Variants in CSMD1 observed in about 807,000 individuals in gnomAD.
The protein encoded by CSMD1 is CUB and sushi domain-containing protein 1.
Under a neutral mutation model 417.5 loss-of-function variants are expected in CSMD1, and 213 were observed. That is an observed-to-expected ratio of 0.51 (90% CI 0.46 to 0.57). The LOEUF (loss-of-function observed/expected upper bound fraction) is 0.57. Ranked by LOEUF, CSMD1 falls within the 20% of genes least tolerant of loss-of-function variation. The probability of loss-of-function intolerance (pLI) is 0.00; values close to 1 mark genes in which losing one functional copy is unlikely to be tolerated. For synonymous variants in CSMD1, 2,862 were observed against 1,736.8 expected (o/e 1.65, Z -16.11); for missense variants, 6,923 against 4,529.7 (o/e 1.53, Z -15.17).
intron 2 of CSMD1, among the ~76,000 whole-genome samples, chr8:4,430,695 C>T (rs369783656): frequency 9.9e-5 from 15 of 152,084 alleles, no homozygotes; most frequent in African/African-American, 2.9e-4. Flanking sequence ...AATAGACTAT[C>T]GGAAACAAAA....
At chr8:3,388,268 C>T (rs577213752) in intron 17 of CSMD1, among the ~76,000 whole-genome samples, 1 of 152,254 alleles carries the variant, frequency 6.6e-6, no homozygotes, top group Non-Finnish European at 1.5e-5. Context: ...CTACTATTAG[C>T]CTTTGCTAAC....
intron 1 of CSMD1, among the ~76,000 whole-genome samples, chr8:4,638,850 C>G (rs546396086): frequency 6.6e-6 from 1 of 152,188 alleles, no homozygotes; most frequent in Non-Finnish European, 1.5e-5. Flanking sequence ...GTCTGAGGAA[C>G]TGATTTCATT....
intron 5 of CSMD1, among the ~76,000 whole-genome samples, chr8:3,972,436 G>C (rs934362657): frequency 6.6e-6 from 1 of 152,098 alleles, no homozygotes; most frequent in Admixed American, 6.5e-5. Context: ...TGTAACTTTA[G>C]GTCTTTGTAA....
chr8:4,394,050 C>G (rs1334794905), intron 3 of CSMD1, among the ~76,000 whole-genome samples: 1 of 152,152 alleles, frequency 6.6e-6, no homozygotes, highest in African/African-American at 2.4e-5. Context: ...AGGGCTAATA[C>G]TTCTCAGTTA....
chr8:3,287,272 C>G (rs1384847344), intron 25 of CSMD1, among the ~76,000 whole-genome samples: 2 of 151,402 alleles, frequency 1.3e-5, no homozygotes, highest in African/African-American at 4.9e-5. Flanking sequence ...TTAGGATTGA[C>G]TTGGTGATTC....
chr8:4,146,989 C>T (rs1418581062), intron 3 of CSMD1, among the ~76,000 whole-genome samples: 1 of 151,956 alleles, frequency 6.6e-6, no homozygotes, highest in Non-Finnish European at 1.5e-5. Flanking sequence ...TCCGCCAGCA[C>T]TTCCTGTCCA....
intron 1 of CSMD1, chr8:4,788,425 T>G: frequency 7.5e-7 from 1 of 1,339,416 alleles, no homozygotes; most frequent in Non-Finnish European, 1.1e-6. Flanking sequence ...CCCAGGGTCT[T>G]GGCTGTTCAA....
At chr8:3,305,492 T>G (rs1345614446) in intron 25 of CSMD1, among the ~76,000 whole-genome samples, 1 of 151,518 alleles carries the variant, frequency 6.6e-6, no homozygotes, top group African/African-American at 2.4e-5. Context: ...ATCATGGGAG[T>G]GGGTTAGCTA....
intron 5 of CSMD1, among the ~76,000 whole-genome samples, chr8:3,876,441 C>A (rs557259734): frequency 6.6e-6 from 1 of 152,222 alleles, no homozygotes; most frequent in South Asian, 2.1e-4. Context: ...CACCATTCTC[C>A]TTTTATTCCT....
intron 3 of CSMD1, among the ~76,000 whole-genome samples, chr8:4,242,880 T>C (rs558749051): frequency 6.6e-6 from 1 of 152,296 alleles, no homozygotes; most frequent in African/African-American, 2.4e-5. Flanking sequence ...GGATGAAATA[T>C]TAAAGTCATT....
intron 2 of CSMD1, among the ~76,000 whole-genome samples, chr8:4,628,409 C>CAT (rs58486153): frequency 0.24 from 34,225 of 140,492 alleles, 4,204 homozygotes; most frequent in Middle Eastern, 0.3. Flanking sequence ...TATATATACA[C>CAT]ATATATATAC....
At chr8:3,531,339 A>T (rs1797972002) in intron 10 of CSMD1, among the ~76,000 whole-genome samples, 1 of 152,174 alleles carries the variant, frequency 6.6e-6, no homozygotes, top group South Asian at 2.1e-4. Flanking sequence ...AATCTTTTTT[A>T]GCCCCTATCC....
chr8:3,121,175 G>C (rs577245306), intron 41 of CSMD1, among the ~76,000 whole-genome samples: 74 of 152,160 alleles, frequency 4.9e-4, no homozygotes, highest in African/African-American at 1.7e-3. Context: ...AGATTTCTGT[G>C]TATTTATTTA....
chr8:3,521,304 T>C (rs1179745000), intron 10 of CSMD1, among the ~76,000 whole-genome samples: 3 of 152,166 alleles, frequency 2.0e-5, no homozygotes, highest in Non-Finnish European at 4.4e-5. Context: ...AATGACTTAC[T>C]CTCTCTCAAA....
At chr8:4,823,930 C>G (rs540192903) in intron 1 of CSMD1, among the ~76,000 whole-genome samples, 7 of 152,016 alleles carry the variant, frequency 4.6e-5, no homozygotes, top group African/African-American at 1.4e-4. Flanking sequence ...AAAGAGCATT[C>G]TAACCAGAGA....
chr8:4,831,967 T>G (rs1330169045), intron 1 of CSMD1, among the ~76,000 whole-genome samples: 1 of 152,106 alleles, frequency 6.6e-6, no homozygotes, highest in Non-Finnish European at 1.5e-5. Flanking sequence ...GGAGAAAAAG[T>G]GAGGGGAACT....
At chr8:3,598,479 G>C (rs1333479342) in intron 8 of CSMD1, among the ~76,000 whole-genome samples, 1 of 152,098 alleles carries the variant, frequency 6.6e-6, no homozygotes, top group African/African-American at 2.4e-5. Flanking sequence ...CCGCCCCATA[G>C]GCTCAAGTGG....
At chr8:3,867,554 G>A (rs993676464) in intron 5 of CSMD1, among the ~76,000 whole-genome samples, 16 of 152,050 alleles carry the variant, frequency 1.1e-4, no homozygotes, top group South Asian at 4.2e-4. Flanking sequence ...AGTGAGAGAC[G>A]TCTAATCCTC....
chr8:3,928,727 T>A (rs776636594), intron 5 of CSMD1, among the ~76,000 whole-genome samples: 1 of 150,218 alleles, frequency 6.7e-6, no homozygotes, highest in Non-Finnish European at 1.5e-5. Context: ...TTAATATACG[T>A]GAATACTTTT....
Sources: allele counts gnomAD v4.1 joint callset (sites outside exome capture counted in the v4.1 genomes callset), GRCh38; gene constraint gnomAD v4.1.1; transcripts MANE v1.5; gene names NCBI Gene and HGNC (gene_info 2026-07-23, HGNC 2026-07-21).